Variants in AP3D1 observed in about 807,000 individuals in gnomAD.
AP3D1 encodes the protein AP-3 complex subunit delta-1.
Under a neutral mutation model 147.6 loss-of-function variants are expected in AP3D1, and 51 were observed. The observed-to-expected ratio is 0.35, with a 90% confidence interval of 0.28 to 0.44. The LOEUF (loss-of-function observed/expected upper bound fraction) is 0.44. Among genes scored for constraint, AP3D1 ranks in the 20% least tolerant of loss-of-function variants. AP3D1 has a pLI of 1.00. For missense variants in AP3D1, 1,421 were observed against 1,624.2 expected, an observed-to-expected ratio of 0.87 and a Z score of 2.15; for synonymous variants, 760 against 663.0, an observed-to-expected ratio of 1.15 and a Z score of -2.25.
Position 2,101,991 on chromosome 19 carries a change from AAG to A in AP3D1, c.*180_*181del, listed in dbSNP as rs1278735492. 3 of 586,912 alleles carry A rather than the reference AAG, an allele frequency of 5.1e-6. No homozygotes were observed. Among genetic ancestry groups the A allele is most frequent in the Non-Finnish European group, 6.0e-6 (2 of 333,834 alleles). The allele number at this position is 586,912 out of a possible 1,614,324, so 36.4% of individuals were successfully genotyped here. On this transcript the variant is annotated 3_prime_UTR_variant, in exon 32 of 32. Coordinates refer to ENST00000643116, the MANE Select transcript of AP3D1 (RefSeq NM_001261826.3). Reference sequence around the variant, plus strand: ...GAGAATGGGAAGAGTCACAGTAAAAAAGGATGGTCAGATAATTCAACGCAACA... The same window carrying A: ...GAGAATGGGAAGAGTCACAGTAAAAAGATGGTCAGATAATTCAACGCAACA...
intron 25 of AP3D1, 98 bp downstream of exon 25, chr19:2,111,581 G>A: frequency 7.7e-6 from 11 of 1,433,264 alleles, no homozygotes; most frequent in Non-Finnish European, 1.0e-5. Context: ...TCTCGAATCT[G>A]CTCAGTTCTC....
chr19:2,113,813 C>T (rs1274432469), intron 22 of AP3D1, among the ~76,000 whole-genome samples: 2 of 152,226 alleles, frequency 1.3e-5, no homozygotes, highest in Non-Finnish European at 2.9e-5. Flanking sequence ...ACTGCAGAAA[C>T]GGTTCTGGAG....
At chr19:2,112,310 C>T (rs112753894) in intron 24 of AP3D1, 11 of 186,276 alleles carry the variant, frequency 5.9e-5, no homozygotes, top group East Asian at 1.5e-4. Flanking sequence ...GACCTGTCCA[C>T]GCACTGGAAC....
At position 2,139,059 on chromosome 19, in the gene AP3D1, CAAAAAAA is replaced by C. The variant is rs60728832; in HGVS notation, c.97-352_97-346del. ...CAGGTGAGAGAGCCAGACTCCGTCT[CAAAAAAA>C]AAAAAAAAAAAAAAAAAAAAGGAAA... On this transcript the variant is annotated intron_variant, in intron 1 of 31. Coordinates refer to ENST00000643116, the MANE Select transcript of AP3D1 (RefSeq NM_001261826.3). 5.7e-4 allele frequency among the ~76,000 whole-genome samples: 35 copies of C among 61,668 alleles called. No homozygotes were observed. In the South Asian group the frequency reaches 9.1e-3, roughly 16 times the overall value. 40.5% of individuals were successfully genotyped at this position (61,668 alleles called of 152,430 possible).
chr19:2,151,188 T>TG, intron 1 of AP3D1, 51 bp downstream of exon 1: 7 of 1,564,666 alleles, frequency 4.5e-6, no homozygotes, highest in South Asian at 1.1e-5. Context: ...GGCTGGGCCC[T>TG]GGGCCGGGGC....
Position 2,116,719 on chromosome 19 carries a change from C to T in AP3D1, c.1887G>A (p.Glu629=), listed in dbSNP as rs753637377. The T allele has an allele frequency of 6.2e-7, 1 of 1,611,692 alleles. No individual in the cohort carries two copies. Among genetic ancestry groups the T allele is most frequent in the Middle Eastern group, 1.7e-4 (1 of 6,036 alleles). ...CCTCTGACTCGCTGTCCGAGAGTGGCTCATTGATCCAGGCGTCCAGGTCCA... is the reference window on the plus strand; with the variant it reads ...CCTCTGACTCGCTGTCCGAGAGTGGTTCATTGATCCAGGCGTCCAGGTCCA... ...EGLDLDAWIN[E]PLSDSESEDE... is the part of the protein sequence containing the mutation. The change falls in exon 17 of 32, where the codon GAG becomes GAA. Residue 629 remains glutamate (E), a synonymous_variant. Coordinates refer to ENST00000643116, the MANE Select transcript of AP3D1 (RefSeq NM_001261826.3).
chr19:2,152,683 C>A (rs929858581), upstream of AP3D1, among the ~76,000 whole-genome samples: 5 of 151,874 alleles, frequency 3.3e-5, no homozygotes, highest in Non-Finnish European at 7.4e-5. Context: ...CGAGACTAGC[C>A]TGGCCAATAT....
At chr19:2,148,487 C>A (rs1456109396) in intron 1 of AP3D1, among the ~76,000 whole-genome samples, 2 of 152,220 alleles carry the variant, frequency 1.3e-5, no homozygotes, top group Non-Finnish European at 2.9e-5. Context: ...TCTTACCTAG[C>A]ATAACCATTA....
chr19:2,126,536 C>T (rs1303938948), intron 9 of AP3D1, among the ~76,000 whole-genome samples: 1 of 151,706 alleles, frequency 6.6e-6, no homozygotes, highest in African/African-American at 2.4e-5. Flanking sequence ...CGCCTATAGT[C>T]CCTGCTACTC....
intron 20 of AP3D1, 114 bp downstream of exon 20, chr19:2,115,105 G>T: frequency 2.6e-6 from 3 of 1,143,370 alleles, no homozygotes; most frequent in Middle Eastern, 2.8e-4. Flanking sequence ...CCGGGGTGGG[G>T]CCTCATCCCA....
intron 11 of AP3D1, among the ~76,000 whole-genome samples, chr19:2,122,628 T>G (rs1002325417): frequency 6.6e-5 from 10 of 152,212 alleles, no homozygotes; most frequent in African/African-American, 2.4e-4. Context: ...AATGAACAAC[T>G]AATAGTAACT....
At chr19:2,130,312 T>C in intron 6 of AP3D1, 96 bp downstream of exon 6, 1 of 1,548,284 alleles carries the variant, frequency 6.5e-7, no homozygotes. Flanking sequence ...CCTTCACCAC[T>C]CCCCGCAGCA....
chr19:2,122,606 G>A (rs1281025614), intron 11 of AP3D1, among the ~76,000 whole-genome samples: 2 of 152,184 alleles, frequency 1.3e-5, no homozygotes, highest in Non-Finnish European at 2.9e-5. Context: ...GTGTACATTA[G>A]GCACAATAAG....
chr19:2,108,270 G>C (rs548600560), intron 31 of AP3D1, among the ~76,000 whole-genome samples: 4 of 152,298 alleles, frequency 2.6e-5, no homozygotes, highest in South Asian at 2.1e-4. Flanking sequence ...TTTGGCAGTC[G>C]ACACACTGCG....
intron 1 of AP3D1, among the ~76,000 whole-genome samples, chr19:2,145,835 G>A (rs112204579): frequency 6.6e-6 from 1 of 152,194 alleles, no homozygotes. Flanking sequence ...TAGACAAAGA[G>A]GCCCAAGCCT....
At chr19:2,110,585 G>A (rs892611613) in intron 27 of AP3D1, 122 bp downstream of exon 27, 11 of 1,106,954 alleles carry the variant, frequency 9.9e-6, no homozygotes, top group African/African-American at 4.7e-5. Flanking sequence ...GTACTGAGGT[G>A]CAGCCTGGGG....
At chr19:2,123,929 C>CGACA in intron 9 of AP3D1, 50 bp from the exon 10 acceptor site, 1 of 1,551,824 alleles carries the variant, frequency 6.4e-7, no homozygotes, top group African/African-American at 1.4e-5. Context: ...TGGCCAGCGC[C>CGACA]GACACCAACT....
chr19:2,138,156 C>T (rs749134699), intron 2 of AP3D1, among the ~76,000 whole-genome samples: 1 of 152,180 alleles, frequency 6.6e-6, no homozygotes, highest in African/African-American at 2.4e-5. Context: ...GGACCCTGGA[C>T]GAGCCCTTTG....
rs956274544 is a variant in AP3D1, at chr19:2,123,504, C to T, written c.907-98G>A. 44 of 1,250,716 alleles carry T rather than the reference C, an allele frequency of 3.5e-5. 1 individual carries two copies. The highest frequency in any genetic ancestry group is 2.7e-4 in the East Asian group (11 of 41,078). 77.5% of individuals were successfully genotyped at this position (1,250,716 alleles called of 1,614,324 possible). A position where few individuals can be genotyped will look rare whatever the true frequency, so the allele number is the denominator to read the frequency against. On this transcript the variant is annotated intron_variant, in intron 10 of 31. Transcript: ENST00000643116. ...TTCAACCTCAACCTGGCCTAAGGCC[C>T]GGCGTCAGCCCCACCCACCAATCAA...
Sources: allele counts gnomAD v4.1 joint callset (sites outside exome capture counted in the v4.1 genomes callset), GRCh38; gene constraint gnomAD v4.1.1; transcripts MANE v1.5; gene names NCBI Gene and HGNC (gene_info 2026-07-23, HGNC 2026-07-21).